The following C3orf85 variants were observed in gnomAD, a reference collection of about 807,000 sequenced individuals.
C3orf85 encodes chromosome 3 open reading frame 85.
Under a neutral mutation model 1.7 loss-of-function variants are expected in C3orf85, and 1 was observed. The observed-to-expected ratio is 0.60, with a 90% CI of 0.21 to 2.86. C3orf85 has a LOEUF of 2.86. C3orf85 is among the 30% of genes most tolerant of loss of function. The pLI, the probability that C3orf85 is intolerant of heterozygous loss-of-function variation, is 0.22. For synonymous variants in C3orf85, 17 were observed against 8.0 expected, an observed-to-expected ratio of 2.13 and a Z score of -1.90; for missense variants, 29 against 21.3, an observed-to-expected ratio of 1.36 and a Z score of -0.72.
In C3orf85 at chr3:109,136,897, G is replaced by A; in HGVS notation, c.49+1G>A. 2.4e-6 allele frequency: 1 copy of A among 420,310 alleles called. No individual in the cohort carries two copies. The allele number at this position is 420,310 out of a possible 1,614,324, so 26.0% of individuals were successfully genotyped here. On this transcript the variant is annotated splice_donor_variant, in intron 2 of 3. Transcript: ENST00000622536. LOFTEE classifies it high-confidence loss of function. Reference sequence around the variant, plus strand: ...GTCCTGTGCTCAACATTGCTTATCGGTAAGAGCCTATTTCTTTTTTATTTA... The same window carrying A: ...GTCCTGTGCTCAACATTGCTTATCGATAAGAGCCTATTTCTTTTTTATTTA...
intron 2 of C3orf85, among the ~76,000 whole-genome samples, chr3:109,141,328 G>A (rs865940638): frequency 6.6e-6 from 1 of 152,006 alleles, no homozygotes; most frequent in Non-Finnish European, 1.5e-5. Context: ...TATGAGAGCC[G>A]GTCAGCAATT....
chr3:109,143,306 A>G (rs1161726950), intron 2 of C3orf85, among the ~76,000 whole-genome samples: 3 of 152,204 alleles, frequency 2.0e-5, no homozygotes, highest in African/African-American at 7.2e-5. Flanking sequence ...TGTATAGGGT[A>G]TAGAATATTG....
At chr3:109,144,304 A>G (rs1218497032) in intron 2 of C3orf85, among the ~76,000 whole-genome samples, 1 of 152,138 alleles carries the variant, frequency 6.6e-6, no homozygotes, top group Non-Finnish European at 1.5e-5. Flanking sequence ...GCCCTTCTAT[A>G]TTACTTGCAT....
intron 3 of C3orf85, chr3:109,148,899 C>G (rs1430681434): frequency 6.6e-6 from 1 of 152,236 alleles, no homozygotes; most frequent in African/African-American, 2.4e-5. Context: ...GCTAAATATC[C>G]CCGGTGACAA....
chr3:109,138,916 T>G (rs573086232), intron 2 of C3orf85, among the ~76,000 whole-genome samples: 11 of 152,128 alleles, frequency 7.2e-5, no homozygotes, highest in Admixed American at 5.9e-4. Context: ...GAAGGAGAGA[T>G]AAAGAAAAAA....
Position 109,138,786 on chromosome 3 carries a change from G to A in C3orf85, c.49+1890G>A, listed in dbSNP as rs146636893. ...TTATTTTCAAAACAGTAACTTATAC[G>A]CATTGGAGCTGATTCTCTAGTCAGA... On this transcript the variant is annotated intron_variant, in intron 2 of 3. Coordinates refer to ENST00000622536, the MANE Select transcript of C3orf85 (RefSeq NM_001351622.2). Among the ~76,000 whole-genome samples the A allele has an allele frequency of 9.2e-3, 1,393 of 152,170 alleles. 12 individuals are homozygous for A. Among genetic ancestry groups the A allele is most frequent in the Non-Finnish European group, 0.014 (983 of 68,008 alleles).
chr3:109,140,490 G>T (rs546786312), intron 2 of C3orf85, among the ~76,000 whole-genome samples: 2 of 152,094 alleles, frequency 1.3e-5, no homozygotes, highest in Non-Finnish European at 2.9e-5. Flanking sequence ...GGTTCTCCTG[G>T]GACCCCTTTA....
intron 2 of C3orf85, among the ~76,000 whole-genome samples, chr3:109,142,528 A>T (rs1466854716): frequency 6.6e-6 from 1 of 152,190 alleles, no homozygotes; most frequent in Non-Finnish European, 1.5e-5. Flanking sequence ...GGAAATAGCT[A>T]GCAGTAGACC....
chr3:109,149,176 C>T (rs1191120651), intron 3 of C3orf85: 1 of 128,234 alleles, frequency 7.8e-6, no homozygotes, highest in African/African-American at 2.5e-5. Flanking sequence ...TGAATTCTTT[C>T]ACTTATTCTT....
intron 2 of C3orf85, among the ~76,000 whole-genome samples, chr3:109,145,028 T>G (rs1706782732): frequency 6.6e-6 from 1 of 152,196 alleles, no homozygotes; most frequent in Non-Finnish European, 1.5e-5. Flanking sequence ...TAGTCCACAC[T>G]GGTCAGCCCA....
chr3:109,148,539 G>T, intron 3 of C3orf85, 153 bp downstream of exon 3: 1 of 580,058 alleles, frequency 1.7e-6, no homozygotes, highest in South Asian at 2.2e-5. Flanking sequence ...CCCATGAAGT[G>T]GTTTTTGCCT....
intron 2 of C3orf85, among the ~76,000 whole-genome samples, chr3:109,145,046 G>C (rs1319760797): frequency 6.6e-6 from 1 of 152,098 alleles, no homozygotes; most frequent in African/African-American, 2.4e-5. Flanking sequence ...CCAAATGAAT[G>C]CGTGTTCCTT....
At chr3:109,138,608 G>A (rs553906901) in intron 2 of C3orf85, among the ~76,000 whole-genome samples, 57 of 151,776 alleles carry the variant, frequency 3.8e-4, no homozygotes, top group African/African-American at 1.3e-3. Flanking sequence ...TAGCTTAGTC[G>A]TCCAACAAAT....
intron 2 of C3orf85, among the ~76,000 whole-genome samples, chr3:109,139,491 T>C (rs1317361676): frequency 2.0e-5 from 3 of 152,086 alleles, no homozygotes; most frequent in Non-Finnish European, 4.4e-5. Context: ...AAAGGAAATA[T>C]GGAAATATGG....
At chr3:109,140,031 C>G (rs1201053844) in intron 2 of C3orf85, among the ~76,000 whole-genome samples, 1 of 152,142 alleles carries the variant, frequency 6.6e-6, no homozygotes, top group African/African-American at 2.4e-5. Context: ...TTCAGTCATC[C>G]CTGCAGCCCT....
intron 2 of C3orf85, among the ~76,000 whole-genome samples, chr3:109,137,637 G>GTGTGTGTA (rs751674362): frequency 2.3e-4 from 18 of 79,894 alleles, no homozygotes; most frequent in Non-Finnish European, 4.2e-4. Flanking sequence ...GTGTGTGTGT[G>GTGTGTGTA]TATATATATA....
At chr3:109,143,849 G>A (rs540460388) in intron 2 of C3orf85, among the ~76,000 whole-genome samples, 1 of 152,198 alleles carries the variant, frequency 6.6e-6, no homozygotes, top group Non-Finnish European at 1.5e-5. Context: ...CTTGGCTTGT[G>A]TAAGGAGAGC....
chr3:109,146,476 AGTGGTT>A, intron 2 of C3orf85: 2 of 152,246 alleles, frequency 1.3e-5, no homozygotes, highest in East Asian at 3.9e-4. Context: ...GGCTTAGCTC[AGTGGTT>A]GTGGCTCTGA....
Position 109,148,288 on chromosome 3 carries a change from G to A in C3orf85, c.85G>A (p.Ala29Thr), listed in dbSNP as rs762333616. The A allele has an allele frequency of 1.4e-6, 1 of 702,610 alleles. No homozygotes were observed. The allele number at this position is 702,610 out of a possible 1,614,324, so 43.5% of individuals were successfully genotyped here. A position where few individuals can be genotyped will look rare whatever the true frequency, so the allele number is the denominator to read the frequency against. ...AGCGCCATTTTTGTTGGAAGACCCT[G>A]CAAACCAGTTCCTACGTCTCAAAAG... ...LGAPFLLEDP[A>T]NQFLRLKRHV... Residue 29 changes from alanine (A) to threonine (T), a missense_variant, in exon 3 of 4, where the codon GCA (alanine) becomes ACA (threonine). Ala to Thr is a moderately conservative substitution (Grantham distance 58). Transcript: ENST00000622536.
Sources: allele counts gnomAD v4.1 joint callset (sites outside exome capture counted in the v4.1 genomes callset), GRCh38; gene constraint gnomAD v4.1.1; transcripts MANE v1.5; gene names NCBI Gene and HGNC (gene_info 2026-07-23, HGNC 2026-07-21).